Variants in ITGA6 observed in about 807,000 individuals in gnomAD.
ITGA6 encodes integrin alpha-6.
ITGA6 carries 63 observed loss-of-function variants against 133.6 expected under a neutral mutation model. The ratio of observed to expected loss-of-function variants is 0.47; its 90% confidence interval spans 0.38 to 0.58. The LOEUF is 0.58. Among genes scored for constraint, ITGA6 ranks in the 20% least tolerant of loss-of-function variants. ITGA6 has a pLI of 0.00. For missense variants in ITGA6, 1,068 were observed against 1,309.4 expected (o/e 0.82, Z 2.85); for synonymous variants, 434 against 482.0 (o/e 0.90, Z 1.30).
intron 1 of ITGA6, among the ~76,000 whole-genome samples, chr2:172,428,829 C>T (rs763826477): frequency 1.1e-4 from 17 of 152,226 alleles, no homozygotes; most frequent in Non-Finnish European, 2.5e-4. Flanking sequence ...CTACTGGCCT[C>T]TCCTTTTATT....
intron 25 of ITGA6, among the ~76,000 whole-genome samples, chr2:172,502,800 G>A (rs1190221977): frequency 6.6e-6 from 1 of 152,124 alleles, no homozygotes; most frequent in East Asian, 1.9e-4. Flanking sequence ...CATTTACGTG[G>A]GCATGAGAGG....
intron 1 of ITGA6, among the ~76,000 whole-genome samples, chr2:172,436,868 T>C (rs1684344127): frequency 6.6e-6 from 1 of 152,192 alleles, no homozygotes; most frequent in Admixed American, 6.5e-5. Context: ...AGGTGTATTA[T>C]GTTAGATAGT....
At chr2:172,439,631 G>T (rs1407201712) in intron 1 of ITGA6, among the ~76,000 whole-genome samples, 1 of 149,832 alleles carries the variant, frequency 6.7e-6, no homozygotes, top group Non-Finnish European at 1.5e-5. Context: ...CAAGCTTTTG[G>T]TGGTTGCTTT....
At position 172,479,725 on chromosome 2, in the gene ITGA6, G is replaced by T. The variant is rs747398212; in HGVS notation, c.1473G>T (p.Ala491=). 1.9e-6 allele frequency: 3 copies of T among 1,613,418 alleles called. No individual in the cohort carries two copies. Among genetic ancestry groups the T allele is most frequent in the Non-Finnish European group, 2.5e-6 (3 of 1,179,782 alleles). ...TCCGCCAGAAAACAGCGTGTGGGGC[G>T]CCTAGTGGGATATGGTGAGCATCCC... ...IDLRQKTACG[A]PSGICLQVKS... Residue 491 remains alanine, a synonymous_variant, in exon 10 of 26, where the codon GCG becomes GCT. Transcript: ENST00000684293.
intron 19 of ITGA6, 122 bp downstream of exon 19, chr2:172,488,350 A>C (rs2149075765): frequency 1.3e-6 from 1 of 759,784 alleles, no homozygotes; most frequent in Non-Finnish European, 2.3e-6. Context: ...ATCATGAGTT[A>C]AAAATTAGTT....
In ITGA6 at chr2:172,491,369, T is replaced by G; in HGVS notation, c.2889+38T>G. 1 of 1,569,198 alleles carries G rather than the reference T, an allele frequency of 6.4e-7. No homozygotes were observed. On this transcript the variant is annotated intron_variant, in intron 22 of 25. Transcript: ENST00000684293. This position sits in a 1 kb window ranked among gnomAD's most constrained non-coding sequence, Gnocchi z 4.4. ...CTTGAGGCTGTCCCATGGAAGTAAT[T>G]TGCCTTTGCCTAGGACACTTTTCAC...
At chr2:172,493,480 G>A (rs1449224140) in intron 23 of ITGA6, among the ~76,000 whole-genome samples, 2 of 152,018 alleles carry the variant, frequency 1.3e-5, no homozygotes, top group East Asian at 1.9e-4. Context: ...CATTAATGAA[G>A]CCTTAATAAA....
At chr2:172,469,511 C>A (rs537867186) in intron 4 of ITGA6, 131 bp downstream of exon 4, 2 of 804,390 alleles carry the variant, frequency 2.5e-6, no homozygotes, top group Admixed American at 5.4e-5. Context: ...TATTAAAAAT[C>A]TCTAAATGAT....
intron 1 of ITGA6, among the ~76,000 whole-genome samples, chr2:172,442,990 T>C (rs1238419779): frequency 6.6e-6 from 1 of 152,178 alleles, no homozygotes; most frequent in Non-Finnish European, 1.5e-5. Context: ...TATTTTTGAA[T>C]AGGTAGTACA....
chr2:172,445,433 A>C (rs1329224694), intron 1 of ITGA6, among the ~76,000 whole-genome samples: 2 of 147,286 alleles, frequency 1.4e-5, no homozygotes, highest in Non-Finnish European at 3.0e-5. Context: ...GCAGATCACG[A>C]GGTCAGGAGA....
At chr2:172,460,592 AG>A (rs1282878763) in intron 1 of ITGA6, among the ~76,000 whole-genome samples, 2 of 152,222 alleles carry the variant, frequency 1.3e-5, no homozygotes, top group Non-Finnish European at 2.9e-5. Flanking sequence ...GAAAAGTAAG[AG>A]GTTTGTCCGG....
rs779259818 is a variant in ITGA6 at position 172,427,962 on chromosome 2, C to T, written c.174C>T (p.Asp58=). The T allele has an allele frequency of 1.2e-6, 2 of 1,604,026 alleles. No individual in the cohort carries two copies. Among genetic ancestry groups the T allele is most frequent in the African/African-American group, 1.4e-5 (1 of 74,010 alleles). The change falls in exon 1 of 26, where the codon GAC becomes GAT. Residue 58 remains aspartate, a synonymous_variant. Transcript: ENST00000684293. The stretch of plus-strand genomic sequence containing the variant: ...TGCACTGGCAACTGCAGCCCGAGGA[C>T]AAGCGGCTGTGAGTTCCCAGACCCT... ...LAMHWQLQPE[D]KRLLLVGAPR...
At position 172,504,259 on chromosome 2, in the gene ITGA6, C is replaced by A; in HGVS notation, c.*191C>A. On this transcript the variant is annotated 3_prime_UTR_variant, in exon 26 of 26. Transcript: ENST00000684293. ...AAATGAAAGCTACTCATAGCGGGGG[C>A]CTAAAAAAAAAAAGCTTCACAGTAC... The A allele has an allele frequency of 2.0e-6, 3 of 1,529,004 alleles. No homozygotes were observed. The highest frequency in any genetic ancestry group is 2.3e-5 in the Admixed American group (1 of 42,772). The allele number at this position is 1,529,004 out of a possible 1,614,324, so 94.7% of individuals were successfully genotyped here.
chr2:172,488,378 C>T (rs1480441719), intron 19 of ITGA6, 150 bp downstream of exon 19: 27 of 681,552 alleles, frequency 4.0e-5, no homozygotes, highest in Non-Finnish European at 1.3e-5. Context: ...TTTTAAAGAA[C>T]ATACTGGCTT....
intron 1 of ITGA6, among the ~76,000 whole-genome samples, chr2:172,432,543 A>C (rs1684145363): frequency 6.6e-6 from 1 of 152,210 alleles, no homozygotes. Context: ...CCTTTCTTTA[A>C]CCCTTTGCCC....
chr2:172,459,452 A>G (rs1574350510), intron 1 of ITGA6, among the ~76,000 whole-genome samples: 1 of 152,290 alleles, frequency 6.6e-6, no homozygotes, highest in East Asian at 1.9e-4. Flanking sequence ...TGCAGTAGGT[A>G]GAGATCATGC....
chr2:172,454,808 A>G (rs1171312390), intron 1 of ITGA6, among the ~76,000 whole-genome samples: 1 of 152,164 alleles, frequency 6.6e-6, no homozygotes, highest in Non-Finnish European at 1.5e-5. Context: ...TGTAATGTGG[A>G]AGAGGGAGAC....
chr2:172,444,737 A>C (rs1684685787), intron 1 of ITGA6, among the ~76,000 whole-genome samples: 2 of 126,372 alleles, frequency 1.6e-5, no homozygotes, highest in Admixed American at 8.0e-5. Flanking sequence ...TCACATAGGA[A>C]CCCCCCTAAT....
rs570900871 is a variant in ITGA6, at chr2:172,429,594, G to A, written c.182+1624G>A. On this transcript the variant is annotated intron_variant, in intron 1 of 25. Transcript: ENST00000684293. The stretch of plus-strand genomic sequence containing the variant: ...GATTTGCGAAACGTGACTTTGCCAG[G>A]AATCTGTGTCGTGAAGGTTAGCAGC... Among the ~76,000 whole-genome samples, 4 of 152,180 alleles carry A rather than the reference G, an allele frequency of 2.6e-5. No individual in the cohort carries two copies. In the South Asian group the frequency reaches 8.3e-4, roughly 31 times the overall value.
Sources: gnomAD v4.1 joint callset for allele counts (sites outside exome capture counted in the v4.1 genomes callset) on GRCh38, gnomAD v4.1.1 for gene constraint, Gnocchi (gnomAD v3.1) non-coding constraint, MANE v1.5 for transcripts, NCBI Gene and HGNC (gene_info 2026-07-23, HGNC 2026-07-21) for gene names.